The following ITFG1 variants were observed in gnomAD, a reference collection of about 807,000 sequenced individuals.
The protein encoded by ITFG1 is T-cell immunomodulatory protein.
Under a neutral mutation model 81.8 loss-of-function variants are expected in ITFG1, and 34 were observed. The observed-to-expected ratio is 0.42, with a 90% confidence interval of 0.32 to 0.55. The LOEUF (loss-of-function observed/expected upper bound fraction) is 0.55. ITFG1 is among the 20% of genes least tolerant of loss of function. ITFG1 has a pLI of 0.17. For missense variants in ITFG1, 672 were observed against 755.4 expected (o/e 0.89, Z 1.29); for synonymous variants, 285 against 270.6 (o/e 1.05, Z -0.52).
At chr16:47,427,812 A>G (rs1969042853) in intron 6 of ITFG1, among the ~76,000 whole-genome samples, 2 of 152,222 alleles carry the variant, frequency 1.3e-5, no homozygotes, top group Admixed American at 1.3e-4. Context: ...GGCATTTTGA[A>G]TAATGACTAG....
intron 14 of ITFG1, among the ~76,000 whole-genome samples, chr16:47,195,759 CA>C (rs1384776148): frequency 6.6e-6 from 1 of 151,910 alleles, no homozygotes; most frequent in Non-Finnish European, 1.5e-5. Context: ...TTCTAAAAAA[CA>C]AAACAAAATG....
chr16:47,340,640 C>G (rs1428744208), intron 8 of ITFG1, among the ~76,000 whole-genome samples: 1 of 151,886 alleles, frequency 6.6e-6, no homozygotes, highest in Non-Finnish European at 1.5e-5. Context: ...ATATAGAAAA[C>G]AAACAGGAAA....
intron 6 of ITFG1, among the ~76,000 whole-genome samples, chr16:47,379,298 C>T (rs1968365521): frequency 6.6e-6 from 1 of 152,138 alleles, no homozygotes; most frequent in South Asian, 2.1e-4. Flanking sequence ...TAAAATGAAA[C>T]TTCATGCCCA....
intron 8 of ITFG1, among the ~76,000 whole-genome samples, chr16:47,337,593 T>C (rs369719587): frequency 6.6e-6 from 1 of 152,022 alleles, no homozygotes; most frequent in East Asian, 1.9e-4. Context: ...AAAAAAAGAA[T>C]CACAATGCAT....
chr16:47,306,294 G>A (rs1256937977), intron 10 of ITFG1, among the ~76,000 whole-genome samples: 1 of 152,038 alleles, frequency 6.6e-6, no homozygotes, highest in Non-Finnish European at 1.5e-5. Flanking sequence ...GATAACCATT[G>A]ACTGAGCTAT....
At chr16:47,344,260 G>GTT (rs1967822023) in intron 8 of ITFG1, among the ~76,000 whole-genome samples, 1 of 152,090 alleles carries the variant, frequency 6.6e-6, no homozygotes, top group Non-Finnish European at 1.5e-5. Flanking sequence ...TGGTTAAAAT[G>GTT]GCAAATTTTA....
intron 14 of ITFG1, among the ~76,000 whole-genome samples, chr16:47,185,579 A>G (rs1965200321): frequency 6.6e-6 from 1 of 152,226 alleles, no homozygotes; most frequent in African/African-American, 2.4e-5. Context: ...CAAAGACACA[A>G]CATACCAGAA....
At chr16:47,428,752 T>C in intron 6 of ITFG1, 52 bp downstream of exon 6, 2 of 1,061,400 alleles carry the variant, frequency 1.9e-6, no homozygotes, top group Non-Finnish European at 1.5e-6. Flanking sequence ...GTAAATAAAA[T>C]CCCATACTTC....
intron 6 of ITFG1, among the ~76,000 whole-genome samples, chr16:47,425,184 C>T (rs1019125507): frequency 1.3e-5 from 2 of 152,144 alleles, no homozygotes; most frequent in South Asian, 2.1e-4. Flanking sequence ...GCTGCAGCAT[C>T]GCAGGTTGAT....
intron 14 of ITFG1, among the ~76,000 whole-genome samples, chr16:47,187,047 C>T (rs1263789656): frequency 6.6e-6 from 1 of 152,112 alleles, no homozygotes; most frequent in Non-Finnish European, 1.5e-5. Flanking sequence ...AGGAATCCAA[C>T]TTACAAGGGA....
chr16:47,412,246 C>T (rs1306736603), intron 6 of ITFG1, among the ~76,000 whole-genome samples: 1 of 152,160 alleles, frequency 6.6e-6, no homozygotes, highest in African/African-American at 2.4e-5. Flanking sequence ...TCCCCAGCAA[C>T]ACTTCTTAAC....
chr16:47,192,062 A>G (rs903345718), intron 14 of ITFG1, among the ~76,000 whole-genome samples: 1 of 152,192 alleles, frequency 6.6e-6, no homozygotes, highest in African/African-American at 2.4e-5. Flanking sequence ...TACAGGTGTG[A>G]GCCACCACAC....
chr16:47,249,369 A>G (rs1030865836), intron 12 of ITFG1, among the ~76,000 whole-genome samples: 18 of 152,232 alleles, frequency 1.2e-4, no homozygotes, highest in African/African-American at 3.9e-4. Flanking sequence ...TAGTGAGCCA[A>G]GATCATGCCA....
chr16:47,389,107 C>T (rs138359298), intron 6 of ITFG1, among the ~76,000 whole-genome samples: 18 of 152,186 alleles, frequency 1.2e-4, no homozygotes, highest in African/African-American at 4.1e-4. Context: ...CTGGCTGAGC[C>T]GGTGATCACC....
chr16:47,216,977 A>C (rs188207800), intron 14 of ITFG1, among the ~76,000 whole-genome samples: 1 of 152,312 alleles, frequency 6.6e-6, no homozygotes, highest in Admixed American at 6.5e-5. Context: ...ACTGCATAAA[A>C]ATATATGCAA....
At chr16:47,303,574 C>G (rs1967111122) in intron 10 of ITFG1, among the ~76,000 whole-genome samples, 1 of 152,192 alleles carries the variant, frequency 6.6e-6, no homozygotes, top group African/African-American at 2.4e-5. Flanking sequence ...CAGAAATACA[C>G]TTCCTGCTGA....
Position 47,460,818 on chromosome 16 carries a change from A to C in ITFG1, c.208+20T>G. Reference sequence around the variant, plus strand: ...AGGCACACGGACAGCGAACAGAGGGAGGGCCCGGCAAGCACTGACTTTCCC... The same window carrying C: ...AGGCACACGGACAGCGAACAGAGGGCGGGCCCGGCAAGCACTGACTTTCCC... On this transcript the variant is annotated intron_variant, in intron 1 of 17. Transcript: ENST00000320640. 6.2e-7 allele frequency: 1 copy of C among 1,610,202 alleles called. No individual in the cohort carries two copies. Among genetic ancestry groups the C allele is most frequent in the Non-Finnish European group, 8.5e-7 (1 of 1,177,924 alleles).
At chr16:47,445,140 G>T (rs1039228395) in intron 5 of ITFG1, among the ~76,000 whole-genome samples, 3 of 144,114 alleles carry the variant, frequency 2.1e-5, no homozygotes, top group Non-Finnish European at 4.5e-5. Context: ...AAAACTGGAA[G>T]TTCTATTAGT....
chr16:47,410,825 G>T (rs558375107), intron 6 of ITFG1, among the ~76,000 whole-genome samples: 1 of 152,214 alleles, frequency 6.6e-6, no homozygotes, highest in Non-Finnish European at 1.5e-5. Flanking sequence ...AGGTTGAGGG[G>T]TTTTGCGTGC....
Sources: gnomAD v4.1 joint callset for allele counts (sites outside exome capture counted in the v4.1 genomes callset) on GRCh38, gnomAD v4.1.1 for gene constraint, MANE v1.5 for transcripts, NCBI Gene and HGNC (gene_info 2026-07-23, HGNC 2026-07-21) for gene names.